The following DEPDC1B variants were observed in gnomAD, a reference collection of about 807,000 sequenced individuals.
DEPDC1B encodes DEP domain-containing protein 1B.
DEPDC1B carries 51 observed loss-of-function variants against 66.5 expected under a neutral mutation model. That is an observed-to-expected ratio of 0.77 (90% CI 0.61 to 0.97). The LOEUF is 0.97. Among genes scored for constraint, DEPDC1B ranks in the 50% least tolerant of loss-of-function variants. DEPDC1B has a pLI of 0.00. For synonymous variants in DEPDC1B, 226 were observed against 223.6 expected (o/e 1.01, Z -0.10); for missense variants, 552 against 637.1 (o/e 0.87, Z 1.44).
At chr5:60,684,186 C>T (rs561899105) in intron 2 of DEPDC1B, among the ~76,000 whole-genome samples, 1 of 152,210 alleles carries the variant, frequency 6.6e-6, no homozygotes, top group South Asian at 2.1e-4. Flanking sequence ...CCAAAGCAAT[C>T]TACAGATTCA....
chr5:60,611,469 AG>A (rs1664471595), intron 7 of DEPDC1B, among the ~76,000 whole-genome samples: 1 of 152,260 alleles, frequency 6.6e-6, no homozygotes, highest in African/African-American at 2.4e-5. Flanking sequence ...TATTGACCTT[AG>A]TAAGGGTGGC....
chr5:60,634,298 T>C (rs1233156474), intron 7 of DEPDC1B, among the ~76,000 whole-genome samples: 1 of 152,232 alleles, frequency 6.6e-6, no homozygotes, highest in Non-Finnish European at 1.5e-5. Context: ...ACAGCAGACT[T>C]CCTTTGCAAC....
chr5:60,675,903 C>CTTTTTTTTT (rs35113345), intron 2 of DEPDC1B, among the ~76,000 whole-genome samples: 9 of 138,964 alleles, frequency 6.5e-5, no homozygotes, highest in African/African-American at 1.8e-4. Context: ...TTTCTTTTTT[C>CTTTTTTTTT]TTTTTTTTTT....
chr5:60,597,557 C>T lies in DEPDC1B; in HGVS notation c.*196G>A, dbSNP rs933273636. 14 of 531,706 alleles carry T rather than the reference C, an allele frequency of 2.6e-5. No homozygotes were observed. The African/African-American group carries it at 2.8e-4, about 11-fold the overall frequency. The allele number at this position is 531,706 out of a possible 1,614,324, so 32.9% of individuals were successfully genotyped here. A position where few individuals can be genotyped will look rare whatever the true frequency, so the allele number is the denominator to read the frequency against. On this transcript the variant is annotated 3_prime_UTR_variant, in exon 11 of 11. Coordinates refer to ENST00000265036, the MANE Select transcript of DEPDC1B (RefSeq NM_018369.3). The stretch of plus-strand genomic sequence containing the variant: ...ACTCATAAATTTTAACCAATTTATA[C>T]ACTTTAAAACTAGCATTGAGTTTTA...
Position 60,612,661 on chromosome 5 carries a change from A to C in DEPDC1B, c.899-6805T>G, listed in dbSNP as rs112115576. Among the ~76,000 whole-genome samples, 453 of 149,016 alleles carry C rather than the reference A, an allele frequency of 3.0e-3. 8 individuals carry two copies. Among genetic ancestry groups the C allele is most frequent in the African/African-American group, 0.011 (436 of 40,714 alleles). ...AGGAAAAACACACAGAAGTATTTAT[A>C]GGTGATAGAACATTTGATTAGCAAT... On this transcript the variant is annotated intron_variant, in intron 7 of 10. Transcript: ENST00000265036.
intron 2 of DEPDC1B, among the ~76,000 whole-genome samples, chr5:60,660,928 A>C (rs1179876085): frequency 6.6e-6 from 1 of 152,222 alleles, no homozygotes; most frequent in East Asian, 1.9e-4. Flanking sequence ...TCAGTAATTA[A>C]TAGGGAAACT....
chr5:60,665,881 T>C (rs1043616984), intron 2 of DEPDC1B, among the ~76,000 whole-genome samples: 2 of 152,086 alleles, frequency 1.3e-5, no homozygotes, highest in Non-Finnish European at 2.9e-5. Context: ...AAAGAAATAG[T>C]CAAATCATAT....
At chr5:60,644,382 G>A (rs552278285) in intron 5 of DEPDC1B, among the ~76,000 whole-genome samples, 6 of 152,212 alleles carry the variant, frequency 3.9e-5, no homozygotes, top group South Asian at 4.1e-4. Context: ...AAACAAAAAC[G>A]TGAGAATTCT....
chr5:60,614,176 CA>C (rs1029041268), intron 7 of DEPDC1B, among the ~76,000 whole-genome samples: 1 of 152,186 alleles, frequency 6.6e-6, no homozygotes, highest in African/African-American at 2.4e-5. Context: ...GTTCTAAAAG[CA>C]GCACCATGCG....
At chr5:60,630,128 C>A (rs1380572336) in intron 7 of DEPDC1B, among the ~76,000 whole-genome samples, 1 of 152,136 alleles carries the variant, frequency 6.6e-6, no homozygotes, top group Non-Finnish European at 1.5e-5. Flanking sequence ...GTGTATTGTG[C>A]AACATAACAG....
At chr5:60,601,441 A>T (rs901211015) in intron 9 of DEPDC1B, among the ~76,000 whole-genome samples, 9 of 152,240 alleles carry the variant, frequency 5.9e-5, no homozygotes, top group African/African-American at 2.2e-4. Flanking sequence ...CCACTGACAG[A>T]AATGTAAATT....
At chr5:60,659,339 C>A (rs776555687) in intron 2 of DEPDC1B, among the ~76,000 whole-genome samples, 2 of 152,148 alleles carry the variant, frequency 1.3e-5, no homozygotes, top group Non-Finnish European at 2.9e-5. Context: ...GGACCACTTT[C>A]GCTTGCTATT....
rs1043838619 is a variant in DEPDC1B at position 60,604,513 on chromosome 5, G to A, written c.1066-946C>T. On this transcript the variant is annotated intron_variant, in intron 8 of 10. Transcript: ENST00000265036. The stretch of plus-strand genomic sequence containing the variant: ...TGGGATTACAGGAGTGAGCCACCAC[G>A]CCCAGCCTAACTACTCCATTCTTAA... Among the ~76,000 whole-genome samples the A allele has an allele frequency of 1.3e-5, 2 of 152,052 alleles. 1 individual carries two copies.
rs1043633786 is a variant in DEPDC1B, at chr5:60,597,172, G to A, written c.*581C>T. The A allele has an allele frequency of 2.0e-5, 3 of 152,480 alleles. No individual in the cohort carries two copies. Among genetic ancestry groups the A allele is most frequent in the African/African-American group, 7.2e-5 (3 of 41,404 alleles). 9.4% of individuals were successfully genotyped at this position (152,480 alleles called of 1,614,324 possible). On this transcript the variant is annotated 3_prime_UTR_variant, in exon 11 of 11. Coordinates refer to ENST00000265036, the MANE Select transcript of DEPDC1B (RefSeq NM_018369.3). ...TAATATATATGTTATAAAAACACTA[G>A]CTTTAGTAAAATCTGTCATAACATC...
chr5:60,642,591 T>C (rs1753213661), intron 6 of DEPDC1B, among the ~76,000 whole-genome samples: 1 of 152,224 alleles, frequency 6.6e-6, no homozygotes, highest in Non-Finnish European at 1.5e-5. Flanking sequence ...TGGATGGATC[T>C]ACTAGAAAGT....
intron 7 of DEPDC1B, 78 bp from the exon 8 acceptor site, chr5:60,605,934 T>G (rs1307501902): frequency 1.7e-6 from 2 of 1,199,486 alleles, no homozygotes; most frequent in African/African-American, 3.1e-5. Context: ...TTTAACAAAA[T>G]ATATATTAGT....
chr5:60,673,289 C>T (rs1037828088), intron 2 of DEPDC1B, among the ~76,000 whole-genome samples: 2 of 152,060 alleles, frequency 1.3e-5, no homozygotes, highest in Non-Finnish European at 2.9e-5. Context: ...ACAATAAATT[C>T]GAATTTATCT....
At chr5:60,676,502 ACT>A (rs1468308782) in intron 2 of DEPDC1B, among the ~76,000 whole-genome samples, 1 of 151,854 alleles carries the variant, frequency 6.6e-6, no homozygotes, top group Non-Finnish European at 1.5e-5. Context: ...ATAAAACCCT[ACT>A]CCATAGTCAG....
chr5:60,649,757 G>A (rs962470611), intron 2 of DEPDC1B, among the ~76,000 whole-genome samples: 1 of 151,972 alleles, frequency 6.6e-6, no homozygotes, highest in African/African-American at 2.4e-5. Context: ...AAAAAAGACA[G>A]TGTGCCCCCC....
Sources: allele counts gnomAD v4.1 joint callset (sites outside exome capture counted in the v4.1 genomes callset), GRCh38; gene constraint gnomAD v4.1.1; transcripts MANE v1.5; gene names NCBI Gene and HGNC (gene_info 2026-07-23, HGNC 2026-07-21).